Variants in ZNF365 observed in about 807,000 individuals in gnomAD.
The protein encoded by ZNF365 is protein ZNF365.
In ZNF365, 22 loss-of-function variants were observed where a neutral mutation model predicts 35.0. The ratio of observed to expected loss-of-function variants is 0.63; its 90% CI spans 0.45 to 0.90. ZNF365 has a LOEUF of 0.90. Ranked by LOEUF, ZNF365 falls within the 40% of genes least tolerant of loss-of-function variation. The pLI is 0.00. For missense variants in ZNF365, 448 were observed against 500.3 expected (o/e 0.90, Z 1.00); for synonymous variants, 188 against 196.2 (o/e 0.96, Z 0.35).
chr10:62,413,037 A>G (rs1840010493), intron 3 of ZNF365, among the ~76,000 whole-genome samples: 1 of 152,194 alleles, frequency 6.6e-6, no homozygotes. Flanking sequence ...TCAAGTGGTA[A>G]CAAAAACTCC....
At chr10:62,389,668 C>A (rs921377279) in intron 3 of ZNF365, among the ~76,000 whole-genome samples, 2 of 152,144 alleles carry the variant, frequency 1.3e-5, no homozygotes, top group African/African-American at 4.8e-5. Context: ...AAAGAAGGAA[C>A]AGCAGAGAGG....
In ZNF365 at chr10:62,376,935, G is replaced by C. The variant is rs1391025304; in HGVS notation, c.742G>C (p.Glu248Gln). 1.3e-6 allele frequency: 2 copies of C among 1,599,198 alleles called. No homozygotes were observed. The highest frequency in any genetic ancestry group is 1.7e-6 in the Non-Finnish European group (2 of 1,173,912). The change falls in exon 2 of 5, where the codon GAA becomes CAA. Residue 248 changes from glutamate (E) to glutamine (Q), a missense_variant and splice_region_variant. Coordinates refer to ENST00000395254, the MANE Select transcript of ZNF365 (RefSeq NM_014951.3). ...ESEEELLRKE[E>Q]EVVTFNHFLE... is the part of the protein sequence containing the mutation. ...TGAGGAGGAGCTTCTTAGGAAAGAA[G>C]AGTAAGTGTTGCTGACAGGGGATGC...
chr10:62,455,762 C>T (rs1262226660), intron 3 of ZNF365, among the ~76,000 whole-genome samples: 3 of 152,136 alleles, frequency 2.0e-5, no homozygotes, highest in African/African-American at 7.2e-5. Context: ...TTAATTCTCA[C>T]AGCAACCTTG....
chr10:62,476,416 T>C (rs1326053965), intron 4 of ZNF365, among the ~76,000 whole-genome samples: 1 of 152,172 alleles, frequency 6.6e-6, no homozygotes, highest in African/African-American at 2.4e-5. Context: ...GTTAAGGAAG[T>C]GAAGGCTTCA....
chr10:62,446,151 G>A (rs947979094), intron 3 of ZNF365, among the ~76,000 whole-genome samples: 8 of 152,248 alleles, frequency 5.3e-5, no homozygotes, highest in African/African-American at 1.9e-4. Flanking sequence ...CAGGAGTCCC[G>A]CAGTTCTATT....
intron 3 of ZNF365, among the ~76,000 whole-genome samples, chr10:62,393,517 T>C (rs2132422890): frequency 1.3e-5 from 2 of 152,360 alleles, no homozygotes; most frequent in South Asian, 2.1e-4. Context: ...CCCTCGTATA[T>C]GCAGTCTGTC....
intron 3 of ZNF365, among the ~76,000 whole-genome samples, chr10:62,430,388 G>A (rs1421792308): frequency 1.3e-5 from 2 of 151,440 alleles, no homozygotes; most frequent in Non-Finnish European, 2.9e-5. Flanking sequence ...CACCATGTTA[G>A]CCAGGATGGT....
At chr10:62,415,382 G>C (rs1355556250) in intron 3 of ZNF365, among the ~76,000 whole-genome samples, 1 of 152,084 alleles carries the variant, frequency 6.6e-6, no homozygotes, top group Non-Finnish European at 1.5e-5. Flanking sequence ...AGTTGAGGCT[G>C]ATGTTTAGTT....
At chr10:62,443,748 A>G (rs543333087) in intron 3 of ZNF365, among the ~76,000 whole-genome samples, 1 of 152,268 alleles carries the variant, frequency 6.6e-6, no homozygotes, top group Non-Finnish European at 1.5e-5. Flanking sequence ...GAACCCCCAC[A>G]TTGTCCTTTT....
rs1839831209 is a variant in ZNF365 at position 62,401,643 on chromosome 10, T to C, written c.*1854T>C. 1.8e-5 allele frequency: 18 copies of C among 985,250 alleles called. No individual in the cohort carries two copies. The highest frequency in any genetic ancestry group is 2.2e-5 in the Non-Finnish European group (18 of 829,596). The allele number at this position is 985,250 out of a possible 1,614,324, so 61.0% of individuals were successfully genotyped here. ...CTTCCCCCTCTAAAGTTATTTATTA[T>C]TGATGCTTATACCATGATTGCACCT... is the stretch of plus-strand genomic sequence containing the variant. On this transcript the variant is annotated 3_prime_UTR_variant, in exon 5 of 5. Coordinates refer to ENST00000395254, the MANE Select transcript of ZNF365 (RefSeq NM_014951.3).
At chr10:62,431,862 T>G (rs546577361) in intron 3 of ZNF365, among the ~76,000 whole-genome samples, 82 of 142,938 alleles carry the variant, frequency 5.7e-4, no homozygotes, top group African/African-American at 2.1e-3. Context: ...TTTGTTTGCC[T>G]TTTTTTTTTT....
intron 3 of ZNF365, among the ~76,000 whole-genome samples, chr10:62,397,452 C>T (rs925502865): frequency 2.0e-5 from 3 of 152,288 alleles, no homozygotes; most frequent in Admixed American, 2.0e-4. Flanking sequence ...TGTCGTTTCT[C>T]TTCTTCTGTT....
At chr10:62,388,699 G>T (rs1839568291) in intron 3 of ZNF365, 123 bp downstream of exon 3, 4 of 1,175,844 alleles carry the variant, frequency 3.4e-6, no homozygotes, top group Non-Finnish European at 4.7e-6. Context: ...TGAGAGCACT[G>T]CCTGGGCCAT....
chr10:62,438,443 C>A (rs1240239018), intron 3 of ZNF365, among the ~76,000 whole-genome samples: 1 of 152,078 alleles, frequency 6.6e-6, no homozygotes, highest in Non-Finnish European at 1.5e-5. Context: ...CCGCGTTGGC[C>A]TCCCAAAATG....
At position 62,379,024 on chromosome 10, in the gene ZNF365, A is replaced by ATTT. The variant is rs35163241; in HGVS notation, c.743+2102_743+2104dup. The stretch of plus-strand genomic sequence containing the variant: ...ATGCCTGAGGATAAATTACGAGTTG[A>ATTT]TTTTTTTTTTTTTTTTGAGACAGAG... On this transcript the variant is annotated intron_variant, in intron 2 of 4. Coordinates refer to ENST00000395254, the MANE Select transcript of ZNF365 (RefSeq NM_014951.3). Among the ~76,000 whole-genome samples the ATTT allele has an allele frequency of 2.0e-3, 284 of 138,964 alleles. 5 individuals carry two copies. The highest frequency in any genetic ancestry group is 4.7e-3 in the African/African-American group (176 of 37,268). The allele number at this position is 138,964 out of a possible 152,430, so 91.2% of individuals were successfully genotyped here. A position where few individuals can be genotyped will look rare whatever the true frequency, so the allele number is the denominator to read the frequency against.
downstream of ZNF365, among the ~76,000 whole-genome samples, chr10:62,403,219 GA>G (rs1437168865): frequency 6.7e-6 from 1 of 149,922 alleles, no homozygotes; most frequent in Non-Finnish European, 1.5e-5. Flanking sequence ...AAATCATAAG[GA>G]AGAGAAGATA....
At chr10:62,427,853 C>G (rs1840273725) in intron 3 of ZNF365, among the ~76,000 whole-genome samples, 3 of 152,108 alleles carry the variant, frequency 2.0e-5, no homozygotes, top group Admixed American at 2.0e-4. Context: ...GCAGTAGGTG[C>G]CAGTGCTATA....
intron 3 of ZNF365, among the ~76,000 whole-genome samples, chr10:62,443,432 G>A (rs973457299): frequency 1.3e-5 from 2 of 152,034 alleles, no homozygotes; most frequent in Admixed American, 6.6e-5. Flanking sequence ...CTTCCTTCTC[G>A]GGTTCCTCTG....
At chr10:62,462,087 A>G (rs1247969641) in intron 4 of ZNF365, among the ~76,000 whole-genome samples, 1 of 152,058 alleles carries the variant, frequency 6.6e-6, no homozygotes, top group Non-Finnish European at 1.5e-5. Context: ...GCATCGGAGT[A>G]CTTTGTATAG....
Sources: allele counts gnomAD v4.1 joint callset (sites outside exome capture counted in the v4.1 genomes callset), GRCh38; gene constraint gnomAD v4.1.1; transcripts MANE v1.5; gene names NCBI Gene and HGNC (gene_info 2026-07-23, HGNC 2026-07-21).